Variants in UNC5C observed in about 807,000 individuals in gnomAD.
UNC5C encodes netrin receptor UNC5C.
UNC5C carries 47 observed loss-of-function variants against 99.8 expected under a neutral mutation model. That is an observed-to-expected ratio of 0.47 (90% CI 0.37 to 0.60). The LOEUF (loss-of-function observed/expected upper bound fraction) is 0.60, where lower values mean the gene tolerates loss of function less well. Among genes scored for constraint, UNC5C ranks in the 20% least tolerant of loss-of-function variants. The pLI, the probability that UNC5C is intolerant of heterozygous loss-of-function variation, is 0.00. For synonymous variants in UNC5C, 487 were observed against 452.2 expected (o/e 1.08, Z -0.98); for missense variants, 1,062 against 1,165.9 (o/e 0.91, Z 1.30).
chr4:95,538,088 T>C (rs532625989), intron 1 of UNC5C, among the ~76,000 whole-genome samples: 1 of 152,328 alleles, frequency 6.6e-6, no homozygotes, highest in East Asian at 1.9e-4. Flanking sequence ...ACTGTTACTT[T>C]TGTTTCATCA....
chr4:95,536,464 T>G (rs1202042595), intron 1 of UNC5C, among the ~76,000 whole-genome samples: 1 of 152,188 alleles, frequency 6.6e-6, no homozygotes, highest in East Asian at 1.9e-4. Flanking sequence ...GCATTAACAG[T>G]GCAGGGTAAT....
chr4:95,190,379 T>C (rs990443488), intron 12 of UNC5C, among the ~76,000 whole-genome samples: 5 of 152,072 alleles, frequency 3.3e-5, no homozygotes, highest in African/African-American at 4.8e-5. Flanking sequence ...TTAGGAGATA[T>C]ACCTAATGTA....
At chr4:95,277,901 C>A (rs1435148197) in intron 4 of UNC5C, among the ~76,000 whole-genome samples, 1 of 152,188 alleles carries the variant, frequency 6.6e-6, no homozygotes, top group East Asian at 1.9e-4. Context: ...TCTTCTTACA[C>A]TCACATTTTT....
intron 1 of UNC5C, among the ~76,000 whole-genome samples, chr4:95,425,195 C>T (rs1007797116): frequency 4.6e-5 from 7 of 152,292 alleles, no homozygotes; most frequent in Non-Finnish European, 8.8e-5. Flanking sequence ...CATAGGAAAT[C>T]TATTCTATAT....
chr4:95,505,333 G>A (rs929804888), intron 1 of UNC5C, among the ~76,000 whole-genome samples: 3 of 152,026 alleles, frequency 2.0e-5, no homozygotes, highest in Non-Finnish European at 4.4e-5. Flanking sequence ...TCATGGAAAA[G>A]ATCCTAGAAA....
At chr4:95,475,125 C>T (rs1225745469) in intron 1 of UNC5C, among the ~76,000 whole-genome samples, 1 of 152,050 alleles carries the variant, frequency 6.6e-6, no homozygotes, top group Non-Finnish European at 1.5e-5. Flanking sequence ...CTGCTTCATT[C>T]ACTTTTAGCT....
At chr4:95,539,806 A>T (rs1722869644) in intron 1 of UNC5C, among the ~76,000 whole-genome samples, 1 of 152,138 alleles carries the variant, frequency 6.6e-6, no homozygotes, top group African/African-American at 2.4e-5. Context: ...TTCAATAAAA[A>T]ATGGCATGTG....
intron 1 of UNC5C, among the ~76,000 whole-genome samples, chr4:95,447,502 T>A (rs1003293046): frequency 6.6e-6 from 1 of 151,974 alleles, no homozygotes; most frequent in Non-Finnish European, 1.5e-5. Context: ...ATTATTTATT[T>A]ATTTTTTTAT....
chr4:95,533,808 C>A (rs917408762), intron 1 of UNC5C, among the ~76,000 whole-genome samples: 1 of 152,098 alleles, frequency 6.6e-6, no homozygotes, highest in African/African-American at 2.4e-5. Context: ...TTTCAGAAAA[C>A]AACACAGATA....
At chr4:95,454,966 T>C (rs1309011823) in intron 1 of UNC5C, among the ~76,000 whole-genome samples, 3 of 152,120 alleles carry the variant, frequency 2.0e-5, no homozygotes, top group African/African-American at 7.2e-5. Context: ...TATTTATCAA[T>C]ATTTACAGCC....
At position 95,185,963 on chromosome 4, in the gene UNC5C, TTATAC is replaced by T. The variant is rs1480203109; in HGVS notation, c.2137-772_2137-768del. ...TGAAAAAATTTGCTACATAATTTTC[TTATAC>T]TATACAGATACAACATAAAGACAGA... is the stretch of plus-strand genomic sequence containing the variant. On this transcript the variant is annotated intron_variant, in intron 12 of 15. Transcript: ENST00000453304. Among the ~76,000 whole-genome samples the T allele has an allele frequency of 8.9e-5, 10 of 111,848 alleles. No homozygotes were observed. The Middle Eastern group carries it at 0.017, about 189-fold the overall frequency. The allele number at this position is 111,848 out of a possible 152,430, so 73.4% of individuals were successfully genotyped here.
At chr4:95,460,528 G>A (rs1007687471) in intron 1 of UNC5C, among the ~76,000 whole-genome samples, 2 of 152,090 alleles carry the variant, frequency 1.3e-5, no homozygotes, top group African/African-American at 2.4e-5. Flanking sequence ...TAAGTCCCAC[G>A]AGATCTGACG....
At chr4:95,245,313 A>C (rs2149379751) in intron 5 of UNC5C, among the ~76,000 whole-genome samples, 169 bp from the exon 6 acceptor site, 1 of 152,298 alleles carries the variant, frequency 6.6e-6, no homozygotes, top group South Asian at 2.1e-4. Flanking sequence ...TTTTATCCAA[A>C]GTTTTATTGT....
intron 1 of UNC5C, among the ~76,000 whole-genome samples, chr4:95,424,518 CTTTTTTTTTT>C (rs536039867): frequency 2.9e-5 from 2 of 67,952 alleles, no homozygotes; most frequent in African/African-American, 1.2e-4. Flanking sequence ...TTTTTCTTTT[CTTTTTTTTTT>C]TTTTTTTTTT....
chr4:95,424,792 G>A (rs1031177566), intron 1 of UNC5C, among the ~76,000 whole-genome samples: 1 of 151,856 alleles, frequency 6.6e-6, no homozygotes, highest in Admixed American at 6.5e-5. Flanking sequence ...CAAAGTGCTG[G>A]GATTACAGGA....
intron 1 of UNC5C, among the ~76,000 whole-genome samples, chr4:95,524,846 G>T (rs898333937): frequency 6.6e-6 from 1 of 152,156 alleles, no homozygotes; most frequent in Non-Finnish European, 1.5e-5. Flanking sequence ...ATGAGTTGTA[G>T]CCCCAGTTCT....
At chr4:95,390,972 C>G (rs1745341874) in intron 1 of UNC5C, among the ~76,000 whole-genome samples, 1 of 152,076 alleles carries the variant, frequency 6.6e-6, no homozygotes, top group African/African-American at 2.4e-5. Context: ...GTGGGAGGGA[C>G]CAGGTGGGAG....
chr4:95,396,058 T>A (rs560909803), intron 1 of UNC5C, among the ~76,000 whole-genome samples: 1 of 152,324 alleles, frequency 6.6e-6, no homozygotes, highest in East Asian at 1.9e-4. Context: ...CGGCAGGCTA[T>A]CATTAACAGA....
At chr4:95,392,173 G>C (rs1745381630) in intron 1 of UNC5C, among the ~76,000 whole-genome samples, 1 of 152,130 alleles carries the variant, frequency 6.6e-6, no homozygotes, top group Admixed American at 6.5e-5. Context: ...AACTGGGTAA[G>C]TTTAAAAAAT....
Sources: allele counts gnomAD v4.1 joint callset (sites outside exome capture counted in the v4.1 genomes callset), GRCh38; gene constraint gnomAD v4.1.1; transcripts MANE v1.5; gene names NCBI Gene and HGNC (gene_info 2026-07-23, HGNC 2026-07-21).